The following FRMD5 variants were observed in gnomAD, a reference collection of about 807,000 sequenced individuals.
The protein encoded by FRMD5 is FERM domain containing 5.
A neutral mutation model predicts 69.0 loss-of-function variants in FRMD5; 20 were observed. That is an observed-to-expected ratio of 0.29 (90% confidence interval 0.20 to 0.42). The LOEUF (loss-of-function observed/expected upper bound fraction) is 0.42, where lower values mean the gene tolerates loss of function less well. FRMD5 is among the 10% of genes least tolerant of loss of function. FRMD5 has a pLI of 1.00. For missense variants in FRMD5, 595 were observed against 708.6 expected (o/e 0.84, Z 1.82); for synonymous variants, 271 against 260.1 (o/e 1.04, Z -0.40).
At chr15:43,976,203 G>A (rs1467365284) in intron 1 of FRMD5, among the ~76,000 whole-genome samples, 1 of 150,482 alleles carries the variant, frequency 6.6e-6, no homozygotes, top group Non-Finnish European at 1.5e-5. Context: ...TGTAACCTTG[G>A]ATTAGGCAAA....
intron 8 of FRMD5, 63 bp from the exon 9 acceptor site, chr15:43,888,935 GTAGA>G: frequency 7.0e-7 from 1 of 1,431,038 alleles, no homozygotes. Context: ...GCTAAATCTT[GTAGA>G]TGCACAGCCC....
At chr15:43,882,391 C>T (rs1157083265) in intron 13 of FRMD5, among the ~76,000 whole-genome samples, 1 of 152,000 alleles carries the variant, frequency 6.6e-6, no homozygotes, top group East Asian at 1.9e-4. Context: ...TGGAGTCTTA[C>T]TCTGTTGCCC....
At chr15:44,186,884 C>T (rs1426063049) in intron 1 of FRMD5, among the ~76,000 whole-genome samples, 1 of 152,248 alleles carries the variant, frequency 6.6e-6, no homozygotes, top group Non-Finnish European at 1.5e-5. Flanking sequence ...GCTAAAAGTA[C>T]ACCCTGTATA....
intron 1 of FRMD5, among the ~76,000 whole-genome samples, chr15:43,984,217 G>A (rs1329715570): frequency 6.6e-6 from 1 of 152,166 alleles, no homozygotes; most frequent in African/African-American, 2.4e-5. Context: ...ATTTCACTCT[G>A]TCAGCAAACC....
At chr15:44,179,707 C>T (rs1302011198) in intron 1 of FRMD5, among the ~76,000 whole-genome samples, 1 of 152,178 alleles carries the variant, frequency 6.6e-6, no homozygotes, top group Non-Finnish European at 1.5e-5. Context: ...TACAGAACAT[C>T]TGTGCTAAAA....
intron 1 of FRMD5, among the ~76,000 whole-genome samples, chr15:43,992,891 T>C (rs1889753220): frequency 1.3e-5 from 2 of 152,056 alleles, no homozygotes; most frequent in Non-Finnish European, 2.9e-5. Flanking sequence ...TTGATGTAGA[T>C]GTTTATTGCT....
At chr15:44,070,226 G>C (rs1893481328) in intron 1 of FRMD5, among the ~76,000 whole-genome samples, 1 of 151,832 alleles carries the variant, frequency 6.6e-6, no homozygotes, top group South Asian at 2.1e-4. Flanking sequence ...TGTAATCCTA[G>C]CTCTTTGGGA....
At position 43,888,886 on chromosome 15, in the gene FRMD5, G is replaced by C. The variant is rs933772240; in HGVS notation, c.729-14C>G. ...GTCACCTCATTCCTAGAAGCACAAA[G>C]ATAGTGCCTGTCACCTCATTGTGGG... On this transcript the variant is annotated splice_polypyrimidine_tract_variant and intron_variant, in intron 8 of 13. Transcript: ENST00000417257. 2.5e-6 allele frequency: 4 copies of C among 1,611,996 alleles called. No individual in the cohort carries two copies. In the African/African-American group the frequency reaches 5.3e-5, roughly 21 times the overall value.
At chr15:43,912,564 G>A (rs1052012482) in intron 4 of FRMD5, among the ~76,000 whole-genome samples, 45 of 152,014 alleles carry the variant, frequency 3.0e-4, no homozygotes, top group African/African-American at 1.1e-3. Context: ...CTGCTTGTCT[G>A]TGTCCAAAAT....
At chr15:43,978,771 C>T (rs1350072200) in intron 1 of FRMD5, among the ~76,000 whole-genome samples, 6 of 152,050 alleles carry the variant, frequency 3.9e-5, no homozygotes, top group South Asian at 2.1e-4. Context: ...AGGCTGGTCT[C>T]GAACTCCTGA....
chr15:43,982,823 A>G (rs2090568839), intron 1 of FRMD5, among the ~76,000 whole-genome samples: 3 of 152,230 alleles, frequency 2.0e-5, no homozygotes, highest in Admixed American at 1.3e-4. Context: ...TCTTTTTTAA[A>G]TCAGGGTATG....
At chr15:43,944,314 T>C (rs1340797241) in intron 1 of FRMD5, among the ~76,000 whole-genome samples, 1 of 152,210 alleles carries the variant, frequency 6.6e-6, no homozygotes, top group East Asian at 1.9e-4. Context: ...AGCCACCAGT[T>C]CCATTCCCAT....
chr15:44,113,536 T>A (rs1054772615), intron 1 of FRMD5, among the ~76,000 whole-genome samples: 1 of 152,258 alleles, frequency 6.6e-6, no homozygotes, highest in Non-Finnish European at 1.5e-5. Flanking sequence ...CTCTGGCATT[T>A]ATCCTTTGTG....
intron 2 of FRMD5, among the ~76,000 whole-genome samples, chr15:43,921,154 G>A (rs2089486843): frequency 6.6e-6 from 1 of 152,204 alleles, no homozygotes; most frequent in Non-Finnish European, 1.5e-5. Context: ...GGCAAGAGAT[G>A]AAATTGCTCA....
upstream of FRMD5, among the ~76,000 whole-genome samples, chr15:44,198,624 A>G (rs371385164): frequency 6.6e-6 from 1 of 151,878 alleles, no homozygotes; most frequent in East Asian, 2.0e-4. Context: ...GACTGGGCAG[A>G]AGAATCAATT....
At chr15:44,120,838 G>C (rs573363581) in intron 1 of FRMD5, among the ~76,000 whole-genome samples, 2 of 152,092 alleles carry the variant, frequency 1.3e-5, no homozygotes, top group African/African-American at 4.8e-5. Context: ...GGGAAGAGTG[G>C]ATTTTGAAGA....
intron 1 of FRMD5, among the ~76,000 whole-genome samples, chr15:43,960,345 G>C (rs994816001): frequency 6.6e-6 from 1 of 152,220 alleles, no homozygotes; most frequent in Admixed American, 6.5e-5. Context: ...TGCCTCCCGG[G>C]TTCATGCCGT....
chr15:44,123,587 A>G (rs2076985856), intron 1 of FRMD5, among the ~76,000 whole-genome samples: 1 of 152,154 alleles, frequency 6.6e-6, no homozygotes, highest in South Asian at 2.1e-4. Context: ...TATTTTTTAA[A>G]AAATAAAGAA....
chr15:43,894,350 G>A (rs1487372966), intron 7 of FRMD5, among the ~76,000 whole-genome samples: 1 of 152,104 alleles, frequency 6.6e-6, no homozygotes, highest in Non-Finnish European at 1.5e-5. Context: ...GGCTTAGAAA[G>A]AAAGAGACTG....
Sources: allele counts gnomAD v4.1 joint callset (sites outside exome capture counted in the v4.1 genomes callset), GRCh38; gene constraint gnomAD v4.1.1; transcripts MANE v1.5; gene names NCBI Gene and HGNC (gene_info 2026-07-23, HGNC 2026-07-21).